LIMS2: variants seen among roughly 807,000 people sequenced by gnomAD.
LIMS2 encodes LIM zinc finger domain containing 2.
In LIMS2, 30 loss-of-function variants were observed where a neutral mutation model predicts 45.3. That is an observed-to-expected ratio of 0.66 (90% CI 0.50 to 0.90). The LOEUF (loss-of-function observed/expected upper bound fraction) is 0.90. Ranked by LOEUF, LIMS2 falls within the 40% of genes least tolerant of loss-of-function variation. The probability of loss-of-function intolerance (pLI) is 0.00; values close to 1 mark genes in which losing one functional copy is unlikely to be tolerated. For synonymous variants in LIMS2, 173 were observed against 188.0 expected (o/e 0.92, Z 0.65); for missense variants, 485 against 468.7 (o/e 1.03, Z -0.32).
In LIMS2 at chr2:127,672,900, G is replaced by A. The variant is rs1264396637; in HGVS notation, c.11+2114C>T. Among the ~76,000 whole-genome samples the A allele has an allele frequency of 6.6e-6, 1 of 152,224 alleles. No homozygotes were observed. The highest frequency in any genetic ancestry group is 2.4e-5 in the African/African-American group (1 of 41,458). On this transcript the variant is annotated intron_variant, in intron 1 of 9. Coordinates refer to ENST00000355119, the MANE Select transcript of LIMS2 (RefSeq NM_001161403.3). This position sits in a 1 kb window ranked among gnomAD's most constrained non-coding sequence, Gnocchi z 4.9. Reference sequence around the variant, plus strand: ...AGCAGCCTGGCTCTGGGCAGCATGGGGGATCCCGAGAGAACCAGGATCCAG... The same window carrying A: ...AGCAGCCTGGCTCTGGGCAGCATGGAGGATCCCGAGAGAACCAGGATCCAG...
intron 1 of LIMS2, among the ~76,000 whole-genome samples, chr2:127,661,428 C>G (rs866087532): frequency 1.3e-5 from 2 of 152,222 alleles, no homozygotes; most frequent in South Asian, 4.1e-4. Flanking sequence ...CTGCATGGCT[C>G]AGCCTAGGGG....
At chr2:127,662,859 A>G (rs1208864997) in intron 1 of LIMS2, among the ~76,000 whole-genome samples, 3 of 152,220 alleles carry the variant, frequency 2.0e-5, no homozygotes, top group African/African-American at 2.4e-5. Flanking sequence ...ATGCATTGAC[A>G]CCATCAGAAA....
At chr2:127,669,369 C>T (rs960845839) in intron 1 of LIMS2, among the ~76,000 whole-genome samples, 1 of 152,052 alleles carries the variant, frequency 6.6e-6, no homozygotes, top group Non-Finnish European at 1.5e-5. Flanking sequence ...ACGTGTGTAT[C>T]AAACGACACA....
At chr2:127,680,035 C>T (rs1685582211), upstream of LIMS2, among the ~76,000 whole-genome samples, 1 of 152,246 alleles carries the variant, frequency 6.6e-6, no homozygotes. Flanking sequence ...CCTTTCAGGG[C>T]ACTGGGAACT....
chr2:127,657,504 G>A lies in LIMS2; in HGVS notation c.70C>T (p.Pro24Ser). ...TTGCTGTTGACAATGCGCTCGGCGG[G>A]GGAGAAGCGGGCCTGGCAGCGCTGG... ...VCQRCQARFSPAERIVNSNGE... is the reference protein window; with the variant it reads ...VCQRCQARFSSAERIVNSNGE... The change falls in exon 2 of 10, where the codon CCC becomes TCC. Residue 24 changes from proline to serine, a missense_variant. Pro to Ser is a moderately conservative substitution (Grantham distance 74). Transcript: ENST00000355119. 1 of 1,613,128 alleles carries A rather than the reference G, an allele frequency of 6.2e-7. No homozygotes were observed. Among genetic ancestry groups the A allele is most frequent in the Non-Finnish European group, 8.5e-7 (1 of 1,179,756 alleles).
chr2:127,669,115 A>G (rs1238469394), intron 1 of LIMS2, among the ~76,000 whole-genome samples: 3 of 152,110 alleles, frequency 2.0e-5, no homozygotes, highest in Admixed American at 2.0e-4. Flanking sequence ...ATAATCCCAT[A>G]TATTTGTGGT....
At chr2:127,644,973 A>C (rs529770634) in intron 4 of LIMS2, among the ~76,000 whole-genome samples, 1 of 152,374 alleles carries the variant, frequency 6.6e-6, no homozygotes, top group South Asian at 2.1e-4. Flanking sequence ...AACAGACCAG[A>C]TCACAGCATC....
chr2:127,668,326 A>C (rs1302734070), intron 1 of LIMS2, among the ~76,000 whole-genome samples: 1 of 152,116 alleles, frequency 6.6e-6, no homozygotes, highest in Non-Finnish European at 1.5e-5. Flanking sequence ...GCATTCCTAA[A>C]ATTTATATGA....
At chr2:127,678,767 TG>T (rs1685554290), upstream of LIMS2, among the ~76,000 whole-genome samples, 1 of 152,012 alleles carries the variant, frequency 6.6e-6, no homozygotes, top group South Asian at 2.1e-4. The surrounding 1 kb of genome is among the most constrained non-coding windows in gnomAD (Gnocchi z 5.3). Context: ...TTGGTGGCAG[TG>T]GGACAGTCTG....
At chr2:127,677,733 G>T (rs1420890774), upstream of LIMS2, among the ~76,000 whole-genome samples, 2 of 152,220 alleles carry the variant, frequency 1.3e-5, no homozygotes, top group Non-Finnish European at 1.5e-5. The surrounding 1 kb of genome is among the most constrained non-coding windows in gnomAD (Gnocchi z 5.0). Context: ...ATCAGCAGGG[G>T]TGAATCTCAG....
intron 4 of LIMS2, chr2:127,651,246 C>T: frequency 3.7e-6 from 6 of 1,605,706 alleles, no homozygotes; most frequent in Non-Finnish European, 5.1e-6. Context: ...GGTGAGCCCA[C>T]AGACCGTGCA....
At chr2:127,678,402 T>C (rs1685546483), upstream of LIMS2, among the ~76,000 whole-genome samples, 1 of 152,168 alleles carries the variant, frequency 6.6e-6, no homozygotes, top group Non-Finnish European at 1.5e-5. This position sits in a 1 kb window ranked among gnomAD's most constrained non-coding sequence, Gnocchi z 5.3. Context: ...GTTTTCAACT[T>C]TGATGAGTGC....
At position 127,674,857 on chromosome 2, in the gene LIMS2, C is replaced by G. The variant is rs903800618; in HGVS notation, c.11+157G>C. On this transcript the variant is annotated intron_variant, in intron 1 of 9. Transcript: ENST00000355119. ...CGCGGGGGCTGGGGGACCCCTGCCC[C>G]GACGGGCGCTGCCGCCCCGGCAGCT... The G allele has an allele frequency of 1.2e-5, 12 of 985,318 alleles. No individual in the cohort carries two copies. The Admixed American group carries it at 4.9e-4, about 40-fold the overall frequency. The allele number at this position is 985,318 out of a possible 1,614,324, so 61.0% of individuals were successfully genotyped here. A position where few individuals can be genotyped will look rare whatever the true frequency, so the allele number is the denominator to read the frequency against.
rs1474938638 is a variant in LIMS2, at chr2:127,664,226, G to A, written c.12-6664C>T. The A allele has an allele frequency of 3.4e-6, 4 of 1,161,212 alleles. No individual in the cohort carries two copies. Among genetic ancestry groups the A allele is most frequent in the Non-Finnish European group, 4.3e-6 (4 of 933,528 alleles). The allele number at this position is 1,161,212 out of a possible 1,614,324, so 71.9% of individuals were successfully genotyped here. On this transcript the variant is annotated intron_variant, in intron 1 of 9. Transcript: ENST00000355119. The surrounding 1 kb of genome is among the most constrained non-coding windows in gnomAD (Gnocchi z 5.5). ...CACGGCGTCGGAGGGCCCCGGTCGG[G>A]TTTCCGAGGGAAGGCCTGCCCTGCC...
Position 127,642,949 on chromosome 2 carries a change from A to T in LIMS2, c.483T>A (p.Pro161=). Residue 161 remains proline, a synonymous_variant, in exon 5 of 10, where the codon CCT becomes CCA. Coordinates refer to ENST00000355119, the MANE Select transcript of LIMS2 (RefSeq NM_001161403.3). The surrounding 1 kb of genome is among the most constrained non-coding windows in gnomAD (Gnocchi z 5.3). Reference sequence around the variant, plus strand: ...CACAGTGGGTGCAGTTGAAGTGGTCAGGGTGGTAGGCGTCGCTCCTGAACA... The same window carrying T: ...CACAGTGGGTGCAGTTGAAGTGGTCTGGGTGGTAGGCGTCGCTCCTGAACA... ...PLMFRSDAYH[P]DHFNCTHCGK... 1 of 1,566,216 alleles carries T rather than the reference A, an allele frequency of 6.4e-7. No individual in the cohort carries two copies. Among genetic ancestry groups the T allele is most frequent in the Non-Finnish European group, 8.7e-7 (1 of 1,155,630 alleles).
At chr2:127,640,743 G>T in intron 7 of LIMS2, 153 bp downstream of exon 7, 1 of 675,564 alleles carries the variant, frequency 1.5e-6, no homozygotes, top group South Asian at 1.7e-5. Flanking sequence ...CAGGTCTCGA[G>T]ACCCCAGGCC....
intron 1 of LIMS2, among the ~76,000 whole-genome samples, chr2:127,681,128 C>T (rs766323823): frequency 6.6e-6 from 1 of 152,194 alleles, no homozygotes; most frequent in Admixed American, 6.5e-5. Flanking sequence ...GCCCCGCGTG[C>T]GGCCACAGTG....
upstream of LIMS2, among the ~76,000 whole-genome samples, chr2:127,678,321 G>T (rs1293225309): frequency 6.6e-6 from 1 of 152,118 alleles, no homozygotes; most frequent in East Asian, 1.9e-4. This position sits in a 1 kb window ranked among gnomAD's most constrained non-coding sequence, Gnocchi z 5.3. Context: ...ATGGGTAAAG[G>T]GAAGGACAGA....
upstream of LIMS2, among the ~76,000 whole-genome samples, chr2:127,677,777 C>T (rs1685535359): frequency 6.6e-6 from 1 of 152,268 alleles, no homozygotes; most frequent in Middle Eastern, 3.4e-3. The surrounding 1 kb of genome is among the most constrained non-coding windows in gnomAD (Gnocchi z 5.0). Context: ...AGCACCTTTT[C>T]CATCTATATC....
Sources: gnomAD v4.1 joint callset for allele counts (sites outside exome capture counted in the v4.1 genomes callset) on GRCh38, gnomAD v4.1.1 for gene constraint, Gnocchi (gnomAD v3.1) non-coding constraint, MANE v1.5 for transcripts, NCBI Gene and HGNC (gene_info 2026-07-23, HGNC 2026-07-21) for gene names.